SUMF1: variants seen among roughly 807,000 people sequenced by gnomAD.
SUMF1 encodes sulfatase modifying factor 1, also known as formylglycine-generating enzyme.
SUMF1 carries 48 observed loss-of-function variants against 47.6 expected under a neutral mutation model. The ratio of observed to expected loss-of-function variants is 1.01; its 90% CI spans 0.80 to 1.28. The LOEUF (loss-of-function observed/expected upper bound fraction) is 1.28, where lower values mean the gene tolerates loss of function less well. Among genes scored for constraint, SUMF1 ranks in the 50% most tolerant of loss-of-function variants. SUMF1 has a pLI of 0.00. For missense variants in SUMF1, 571 were observed against 485.4 expected, an observed-to-expected ratio of 1.18 and a Z score of -1.66; for synonymous variants, 230 against 192.1, an observed-to-expected ratio of 1.20 and a Z score of -1.63.
intron 8 of SUMF1, among the ~76,000 whole-genome samples, chr3:4,171,709 C>A (rs1275875149): frequency 6.6e-6 from 1 of 152,042 alleles, no homozygotes; most frequent in Admixed American, 6.5e-5. Flanking sequence ...GACTGATGTT[C>A]CAGATAAATG....
chr3:4,194,461 T>C (rs777519962), intron 8 of SUMF1, among the ~76,000 whole-genome samples: 3 of 152,132 alleles, frequency 2.0e-5, no homozygotes, highest in African/African-American at 4.8e-5. Flanking sequence ...TCAAGAAGCC[T>C]ACCCCTCAGG....
chr3:4,157,354 T>C (rs1694475554), intron 8 of SUMF1, among the ~76,000 whole-genome samples: 1 of 151,596 alleles, frequency 6.6e-6, no homozygotes, highest in African/African-American at 2.4e-5. Context: ...TGACAGTCAC[T>C]TGAGGTTGCT....
chr3:4,186,510 G>A (rs1413412648), intron 8 of SUMF1, among the ~76,000 whole-genome samples: 1 of 152,082 alleles, frequency 6.6e-6, no homozygotes, highest in African/African-American at 2.4e-5. Context: ...GGGGAATTCA[G>A]CCCACCATTT....
chr3:4,310,330 G>A (rs1012178868), intron 8 of SUMF1, among the ~76,000 whole-genome samples: 9 of 152,150 alleles, frequency 5.9e-5, no homozygotes, highest in Non-Finnish European at 1.3e-4. Context: ...ATAATCAGAT[G>A]TTAAATTAGA....
At chr3:4,400,843 C>A (rs1329812464) in intron 7 of SUMF1, among the ~76,000 whole-genome samples, 1 of 152,116 alleles carries the variant, frequency 6.6e-6, no homozygotes, top group Non-Finnish European at 1.5e-5. Context: ...ACTTTAAGTT[C>A]TAGGGTACAT....
At chr3:4,132,653 G>A (rs1008095849) in intron 8 of SUMF1, among the ~76,000 whole-genome samples, 4 of 152,014 alleles carry the variant, frequency 2.6e-5, no homozygotes, top group Admixed American at 6.6e-5. Flanking sequence ...GGGGAGGAAC[G>A]CTGCCACCAG....
intron 1 of SUMF1, among the ~76,000 whole-genome samples, chr3:4,464,570 T>G (rs2079894403): frequency 6.6e-6 from 1 of 152,138 alleles, no homozygotes; most frequent in African/African-American, 2.4e-5. Context: ...TTTGTTTAAT[T>G]AAACCAAATA....
At chr3:4,075,434 CA>C (rs1692409388) in intron 8 of SUMF1, among the ~76,000 whole-genome samples, 2 of 152,060 alleles carry the variant, frequency 1.3e-5, no homozygotes, top group African/African-American at 4.8e-5. Context: ...TGGCACAAGA[CA>C]AAGATGCCCT....
intron 8 of SUMF1, among the ~76,000 whole-genome samples, chr3:4,200,835 G>C (rs954434400): frequency 3.9e-5 from 6 of 151,976 alleles, no homozygotes; most frequent in Non-Finnish European, 8.8e-5. Context: ...TTTCAACTTT[G>C]TCAAAAATCA....
chr3:4,124,945 G>A (rs1460017679), intron 8 of SUMF1, among the ~76,000 whole-genome samples: 1 of 152,046 alleles, frequency 6.6e-6, no homozygotes, highest in Non-Finnish European at 1.5e-5. Flanking sequence ...TCAAAGAACT[G>A]TCATTTCAGC....
intron 8 of SUMF1, among the ~76,000 whole-genome samples, chr3:4,136,157 T>C (rs556180314): frequency 0.012 from 1,786 of 152,216 alleles, 31 homozygotes; most frequent in African/African-American, 0.041. Flanking sequence ...AAAAAGAGCC[T>C]GCATTGCCAA....
rs575154836 is a variant in SUMF1, at chr3:4,260,720, G to C, written c.1014+115610C>G. 2.6e-5 allele frequency among the ~76,000 whole-genome samples: 4 copies of C among 152,168 alleles called. 1 individual carries two copies. The South Asian group carries it at 8.3e-4, about 32-fold the overall frequency. On this transcript the variant is annotated intron_variant and NMD_transcript_variant, in intron 8 of 12. Coordinates refer to the SUMF1 transcript ENST00000448413. ...ACTGCACTCCATCCTGGGTGACAGA[G>C]CGAGAATATGTCTAAGAAAAAAAAA...
Position 4,467,265 on chromosome 3 carries a change from G to C in SUMF1, c.-20C>G, listed in dbSNP as rs1484492699. 1.2e-6 allele frequency: 2 copies of C among 1,602,488 alleles called. No individual in the cohort carries two copies. Among genetic ancestry groups the C allele is most frequent in the Non-Finnish European group, 1.7e-6 (2 of 1,175,292 alleles). On this transcript the variant is annotated 5_prime_UTR_variant, in exon 1 of 9. Transcript: ENST00000272902. The stretch of plus-strand genomic sequence containing the variant: ...AGCCATGTTGTCCCGCGGGCCATGT[G>C]ACCCGGTTGGTCACGTGGCTGAGCC...
At chr3:4,430,012 A>G (rs1221242084) in intron 3 of SUMF1, among the ~76,000 whole-genome samples, 5 of 152,194 alleles carry the variant, frequency 3.3e-5, no homozygotes, top group Admixed American at 1.3e-4. Context: ...ATCTGAGAAG[A>G]TATCTACTGA....
At chr3:4,046,863 T>G (rs1695016996) in intron 9 of SUMF1, among the ~76,000 whole-genome samples, 1 of 151,610 alleles carries the variant, frequency 6.6e-6, no homozygotes, top group Non-Finnish European at 1.5e-5. Flanking sequence ...TTTTGTCACT[T>G]CACTGCTTGA....
intron 8 of SUMF1, among the ~76,000 whole-genome samples, chr3:4,197,598 T>C (rs1263269025): frequency 2.0e-5 from 3 of 152,104 alleles, no homozygotes; most frequent in Admixed American, 6.6e-5. Context: ...ATTAAGGTAA[T>C]AGAATACAGT....
intron 7 of SUMF1, among the ~76,000 whole-genome samples, chr3:4,382,661 G>C (rs562796092): frequency 1.1e-4 from 16 of 152,080 alleles, no homozygotes; most frequent in Non-Finnish European, 1.9e-4. Context: ...CAAAGACTTG[G>C]AACCAACCCA....
At chr3:4,223,900 T>A (rs1696118878) in intron 8 of SUMF1, among the ~76,000 whole-genome samples, 1 of 152,158 alleles carries the variant, frequency 6.6e-6, no homozygotes, top group Non-Finnish European at 1.5e-5. Flanking sequence ...CTTTAAACTC[T>A]CTGAGCCTTC....
At chr3:4,280,002 C>T (rs1697494640) in intron 8 of SUMF1, among the ~76,000 whole-genome samples, 1 of 152,028 alleles carries the variant, frequency 6.6e-6, no homozygotes, top group South Asian at 2.1e-4. Context: ...TTAGTAAAAA[C>T]ATATACATAA....
Sources: allele counts gnomAD v4.1 joint callset (sites outside exome capture counted in the v4.1 genomes callset), GRCh38; gene constraint gnomAD v4.1.1; transcripts MANE v1.5; gene names NCBI Gene and HGNC (gene_info 2026-07-23, HGNC 2026-07-21).